CKS1B: variants seen among roughly 807,000 people sequenced by gnomAD.
CKS1B encodes cyclin-dependent kinases regulatory subunit 1.
Under a neutral mutation model 12.2 loss-of-function variants are expected in CKS1B, and 5 were observed. That is an observed-to-expected ratio of 0.41 (90% CI 0.21 to 0.86). The LOEUF (loss-of-function observed/expected upper bound fraction) is 0.86, where lower values mean the gene tolerates loss of function less well. Ranked by LOEUF, CKS1B falls within the 40% of genes least tolerant of loss-of-function variation. The probability of loss-of-function intolerance (pLI) is 0.32; values close to 1 mark genes in which losing one functional copy is unlikely to be tolerated. For missense variants in CKS1B, 53 were observed against 99.9 expected (o/e 0.53, Z 2.00); for synonymous variants, 24 against 34.4 (o/e 0.70, Z 1.06).
chr1:154,975,429 A>G (rs16836586), intron 1 of CKS1B: 2,123 of 182,354 alleles, frequency 0.012, 60 homozygotes, highest in African/African-American at 0.048. Flanking sequence ...GTGTTCTGCT[A>G]AAGTGCAAGG....
At chr1:154,974,896 T>C in intron 1 of CKS1B, 92 bp downstream of exon 1, 2 of 1,614,006 alleles carry the variant, frequency 1.2e-6, no homozygotes. Context: ...GCGATAGAAT[T>C]GGCGCATGCG....
At chr1:154,974,836 T>A in intron 1 of CKS1B, 32 bp downstream of exon 1, 1 of 1,613,724 alleles carries the variant, frequency 6.2e-7, no homozygotes, top group Non-Finnish European at 8.5e-7. Flanking sequence ...ATAGCGAGGG[T>A]CGTGAGCTTT....
chr1:154,978,190 A>C, intron 2 of CKS1B, 76 bp downstream of exon 2: 1 of 1,407,390 alleles, frequency 7.1e-7, no homozygotes, highest in Non-Finnish European at 9.6e-7. Flanking sequence ...GTATAACCCA[A>C]ATAGGGAGAT....
Position 154,977,973 on chromosome 1 carries a change from C to T in CKS1B, c.60-14C>T, listed in dbSNP as rs770032813. On this transcript the variant is annotated splice_polypyrimidine_tract_variant and intron_variant, in intron 1 of 2. Transcript: ENST00000308987. ...TACTAACATAAATTCCCCACTTCCC[C>T]GTTTCTGTTACAGACATGTCATGCT... The T allele has an allele frequency of 1.2e-5, 19 of 1,610,156 alleles. No individual in the cohort carries two copies. The highest frequency in any genetic ancestry group is 1.1e-4 in the African/African-American group (8 of 74,716).
chr1:154,976,408 C>T (rs940270254), intron 1 of CKS1B, among the ~76,000 whole-genome samples: 3 of 152,222 alleles, frequency 2.0e-5, no homozygotes, highest in African/African-American at 4.8e-5. Context: ...CTTGTCTCCT[C>T]AGTTGGAGAA....
At position 154,979,242 on chromosome 1, in the gene CKS1B, A is replaced by G. The variant is rs1657261977; in HGVS notation, c.*465A>G. The G allele has an allele frequency of 6.0e-6, 1 of 166,250 alleles. No homozygotes were observed. Among genetic ancestry groups the G allele is most frequent in the Admixed American group, 6.0e-5 (1 of 16,742 alleles). 10.3% of individuals were successfully genotyped at this position (166,250 alleles called of 1,614,324 possible). A position where few individuals can be genotyped will look rare whatever the true frequency, so the allele number is the denominator to read the frequency against. The stretch of plus-strand genomic sequence containing the variant: ...AGCCTTGATTAAAGAGGAAGTTTTT[A>G]TAATCTAGTGCTGTAATTGTACGGG... On this transcript the variant is annotated 3_prime_UTR_variant, in exon 3 of 3. Transcript: ENST00000308987.
chr1:154,978,483 A>T, intron 2 of CKS1B: 1 of 560,458 alleles, frequency 1.8e-6, no homozygotes, highest in South Asian at 2.5e-5. Context: ...CCCAGCTGCC[A>T]GGCAAAACTA....
At position 154,974,909 on chromosome 1, in the gene CKS1B, C is replaced by G. The variant is rs777708992; in HGVS notation, c.59+105C>G. On this transcript the variant is annotated intron_variant, in intron 1 of 2. Coordinates refer to ENST00000308987, the MANE Select transcript of CKS1B (RefSeq NM_001826.3). ...AGGCGATAGAATTGGCGCATGCGTACGAGGTGCGAACGGGCAATGGTGTGA... is the reference window on the plus strand; with the variant it reads ...AGGCGATAGAATTGGCGCATGCGTAGGAGGTGCGAACGGGCAATGGTGTGA... 5.6e-6 allele frequency: 9 copies of G among 1,613,740 alleles called. No homozygotes were observed. In the South Asian group the frequency reaches 6.6e-5, roughly 12 times the overall value.
chr1:154,977,779 AT>A (rs1657227148), intron 1 of CKS1B: 2 of 527,736 alleles, frequency 3.8e-6, no homozygotes. Context: ...CACTGGAATT[AT>A]TCACTAATTT....
In CKS1B at chr1:154,974,787, C is replaced by A. The variant is rs1387731228; in HGVS notation, c.42C>A (p.Asp14Glu). 6.2e-7 allele frequency: 1 copy of A among 1,613,772 alleles called. No individual in the cohort carries two copies. Among genetic ancestry groups the A allele is most frequent in the South Asian group, 1.1e-5 (1 of 91,030 alleles). Residue 14 changes from aspartate (D) to glutamate (E), a missense_variant, in exon 1 of 3, where the codon GAC (aspartate) becomes GAA (glutamate). Physicochemically the swap from Asp to Glu is conservative, Grantham distance 45. Transcript: ENST00000308987. ...TTTACTATTCGGACAAATACGACGACGAGGAGTTTGAGTATCGGTTAGTGC... is the reference window on the plus strand; with the variant it reads ...TTTACTATTCGGACAAATACGACGAAGAGGAGTTTGAGTATCGGTTAGTGC... Reference protein sequence around the residue: ...KQIYYSDKYDDEEFEYRHVML... With the variant: ...KQIYYSDKYDEEEFEYRHVML...
chr1:154,978,473 C>T, intron 2 of CKS1B: 3 of 558,456 alleles, frequency 5.4e-6, no homozygotes, highest in Admixed American at 3.4e-5. Context: ...ACACCAGACA[C>T]CCAGCTGCCA....
rs1004693996 is a variant in CKS1B at position 154,974,823 on chromosome 1, G to C, written c.59+19G>C. ...AGTATCGGTTAGTGCTGGCGCGGGA[G>C]CAATAGCGAGGGTCGTGAGCTTTGG... On this transcript the variant is annotated intron_variant, in intron 1 of 2. Coordinates refer to ENST00000308987, the MANE Select transcript of CKS1B (RefSeq NM_001826.3). The C allele has an allele frequency of 2.5e-6, 4 of 1,613,944 alleles. No individual in the cohort carries two copies. The highest frequency in any genetic ancestry group is 1.7e-5 in the Admixed American group (1 of 60,008).
intron 1 of CKS1B, 106 bp downstream of exon 1, chr1:154,974,910 G>C (rs937451790): frequency 2.5e-6 from 4 of 1,613,876 alleles, no homozygotes; most frequent in Non-Finnish European, 3.4e-6. Context: ...GCATGCGTAC[G>C]AGGTGCGAAC....
intron 1 of CKS1B, 27 bp downstream of exon 1, chr1:154,974,831 G>A (rs995881077): frequency 8.7e-6 from 14 of 1,613,944 alleles, no homozygotes; most frequent in African/African-American, 2.7e-5. Flanking sequence ...GAGCAATAGC[G>A]AGGGTCGTGA....
chr1:154,978,189 A>C (rs761256743), intron 2 of CKS1B, 75 bp downstream of exon 2: 8 of 1,413,974 alleles, frequency 5.7e-6, no homozygotes, highest in Non-Finnish European at 7.6e-6. Context: ...TGTATAACCC[A>C]AATAGGGAGA....
Position 154,978,103 on chromosome 1 carries a change from TC to T in CKS1B, c.178del (p.His60MetfsTer39). On this transcript the variant is annotated frameshift_variant, in exon 2 of 3. Coordinates refer to ENST00000308987, the MANE Select transcript of CKS1B (RefSeq NM_001826.3). LOFTEE classifies it high-confidence loss of function. The stretch of plus-strand genomic sequence containing the variant: ...AGTCAGGGATGGGTCCATTATATGA[TC>T]CATGAACCAGGTCAGTGCACTGGCT... The part of the protein sequence containing the change: ...QQSQGWVHYM[I>X]HEPEPHILLF... 6.2e-7 allele frequency: 1 copy of T among 1,613,990 alleles called. No individual in the cohort carries two copies. The highest frequency in any genetic ancestry group is 2.2e-5 in the East Asian group (1 of 44,874).
Position 154,975,107 on chromosome 1 carries a change from A to G in CKS1B, c.59+303A>G, listed in dbSNP as rs545579791. On this transcript the variant is annotated intron_variant, in intron 1 of 2. Transcript: ENST00000308987. Reference sequence around the variant, plus strand: ...GATCATTCTCTGAACTTTATCGGGCAAACTTAACTTGCCTTGTAGAGACTG... The same window carrying G: ...GATCATTCTCTGAACTTTATCGGGCGAACTTAACTTGCCTTGTAGAGACTG... The G allele has an allele frequency of 7.7e-5, 50 of 650,334 alleles. No homozygotes were observed. In the East Asian group the frequency reaches 1.4e-3, roughly 18 times the overall value. The allele number at this position is 650,334 out of a possible 1,614,324, so 40.3% of individuals were successfully genotyped here.
rs1200609799 is a variant in CKS1B, at chr1:154,974,733, A to G, written c.-13A>G. On this transcript the variant is annotated 5_prime_UTR_variant, in exon 1 of 3. Coordinates refer to ENST00000308987, the MANE Select transcript of CKS1B (RefSeq NM_001826.3). ...TGGCGGCGCGGGGCTGAAGGCTAGC[A>G]AACCGAGCGATCATGTCGCACAAAC... 6.3e-7 allele frequency: 1 copy of G among 1,587,040 alleles called. No homozygotes were observed. The highest frequency in any genetic ancestry group is 8.6e-7 in the Non-Finnish European group (1 of 1,166,588).
chr1:154,978,178 T>C (rs776776051), intron 2 of CKS1B, 64 bp downstream of exon 2: 10 of 1,513,478 alleles, frequency 6.6e-6, no homozygotes, highest in Admixed American at 1.9e-5. Flanking sequence ...AAGAATAAGA[T>C]TGTATAACCC....
Sources: allele counts gnomAD v4.1 joint callset (sites outside exome capture counted in the v4.1 genomes callset), GRCh38; gene constraint gnomAD v4.1.1; transcripts MANE v1.5; gene names NCBI Gene and HGNC (gene_info 2026-07-23, HGNC 2026-07-21).